The following LINC01488 variants were observed in gnomAD, a reference collection of about 807,000 sequenced individuals.
LINC01488 encodes the protein CCND1-upstream intergenic DNA repair 1.
At chr11:69,487,268 A>G (rs556847171) in intron 1 of LINC01488, among the ~76,000 whole-genome samples, 46 of 152,318 alleles carry the variant, frequency 3.0e-4, no homozygotes, top group African/African-American at 1.1e-3. Context: ...AGGGGCCTGG[A>G]AAGCCCAGGA....
chr11:69,486,609 G>T (rs1224780144), intron 1 of LINC01488, among the ~76,000 whole-genome samples: 2 of 152,208 alleles, frequency 1.3e-5, no homozygotes, highest in Admixed American at 6.5e-5. Context: ...GTCCTGGGGG[G>T]TCTTCCTGAG....
At chr11:69,486,099 T>G (rs1389034723) in intron 1 of LINC01488, 2 of 140,822 alleles carry the variant, frequency 1.4e-5, no homozygotes, top group African/African-American at 5.8e-5. Flanking sequence ...CCCAGAGTGA[T>G]GCAGCCCGGG....
At chr11:69,487,091 C>A in intron 1 of LINC01488, among the ~76,000 whole-genome samples, 1 of 152,286 alleles carries the variant, frequency 6.6e-6, no homozygotes, top group East Asian at 1.9e-4. Context: ...TGGCCTGGGG[C>A]GGCTGCCGCC....
chr11:69,483,996 G>A (rs1268447612), intron 1 of LINC01488, among the ~76,000 whole-genome samples: 1 of 152,212 alleles, frequency 6.6e-6, no homozygotes. Context: ...GGTGATGCCC[G>A]ACTCACTCCA....
At chr11:69,485,619 A>T (rs1210112965) in intron 1 of LINC01488, 1 of 152,498 alleles carries the variant, frequency 6.6e-6, no homozygotes, top group Non-Finnish European at 1.5e-5. Flanking sequence ...GGCTGGCCCC[A>T]GCCAGGACAT....
intron 1 of LINC01488, among the ~76,000 whole-genome samples, chr11:69,489,518 G>T (rs1048207535): frequency 1.3e-5 from 2 of 152,220 alleles, no homozygotes; most frequent in Non-Finnish European, 2.9e-5. Flanking sequence ...TTTCCCACAG[G>T]CCTCCCATGT....
Position 69,490,865 on chromosome 11 carries a change from C to T in LINC01488, n.162-162C>T, listed in dbSNP as rs76210262. On this transcript the variant is annotated intron_variant and non_coding_transcript_variant, in intron 2 of 3. Coordinates refer to ENST00000644563, the Ensembl canonical transcript of LINC01488. ...CTCCCTTTCCAGACTCTGCACCCCTCCTCAGGCTCAGAGCAAGGGCCTGCC... is the reference window on the plus strand; with the variant it reads ...CTCCCTTTCCAGACTCTGCACCCCTTCTCAGGCTCAGAGCAAGGGCCTGCC... The T allele has an allele frequency of 4.9e-3, 750 of 152,462 alleles. 6 individuals are homozygous for T. The highest frequency in any genetic ancestry group is 0.017 in the African/African-American group (697 of 41,560). The allele number at this position is 152,462 out of a possible 1,614,324, so 9.4% of individuals were successfully genotyped here.
At chr11:69,483,713 A>G (rs1357728103) in intron 1 of LINC01488, among the ~76,000 whole-genome samples, 1 of 152,176 alleles carries the variant, frequency 6.6e-6, no homozygotes, top group Non-Finnish European at 1.5e-5. Flanking sequence ...CATTTTATGC[A>G]TATGAGAGAG....
rs1201650023 is a variant in LINC01488, at chr11:69,487,548, G to A, written n.123-2947G>A. ...CAGGAAGGGGCCGTGTGGTGTCCAC[G>A]TGTGCTGGCCCTGGTGGTCCCCTTG... is the stretch of plus-strand genomic sequence containing the variant. On this transcript the variant is annotated intron_variant and non_coding_transcript_variant, in intron 1 of 3. Transcript: ENST00000644563. Among the ~76,000 whole-genome samples, 7 of 152,236 alleles carry A rather than the reference G, an allele frequency of 4.6e-5. No homozygotes were observed. The South Asian group carries it at 6.2e-4, about 13-fold the overall frequency.
intron 1 of LINC01488, among the ~76,000 whole-genome samples, chr11:69,489,652 G>A (rs139536987): frequency 2.6e-4 from 40 of 152,388 alleles, no homozygotes; most frequent in Non-Finnish European, 4.7e-4. Flanking sequence ...TCCAAGGGCC[G>A]AGAGGCGTCC....
chr11:69,482,296 C>A (rs1227200194), intron 1 of LINC01488, among the ~76,000 whole-genome samples: 1 of 152,148 alleles, frequency 6.6e-6, no homozygotes, highest in Non-Finnish European at 1.5e-5. Flanking sequence ...GTAAACCGCC[C>A]CCATGATTCA....
intron 1 of LINC01488, among the ~76,000 whole-genome samples, chr11:69,483,859 G>C (rs909014791): frequency 6.6e-6 from 1 of 152,218 alleles, no homozygotes; most frequent in Non-Finnish European, 1.5e-5. Flanking sequence ...GACAGCTGCC[G>C]AGGCGGGTGC....
At chr11:69,491,584 G>A (rs1857220883) in intron 3 of LINC01488, 1 of 152,400 alleles carries the variant, frequency 6.6e-6, no homozygotes, top group African/African-American at 2.4e-5. Flanking sequence ...GCCTGAACCA[G>A]CCCTGGGCCC....
chr11:69,487,492 G>A (rs562892830), intron 1 of LINC01488, among the ~76,000 whole-genome samples: 1 of 152,226 alleles, frequency 6.6e-6, no homozygotes, highest in East Asian at 1.9e-4. Context: ...AAGGACTGAC[G>A]GGGAGCTAGG....
Position 69,484,725 on chromosome 11 carries a change from A to G in LINC01488, n.122+2942A>G, listed in dbSNP as rs560141651. 7.2e-5 allele frequency among the ~76,000 whole-genome samples: 11 copies of G among 152,348 alleles called. No individual in the cohort carries two copies. In the East Asian group the frequency reaches 1.2e-3, roughly 16 times the overall value. ...TGCTGAGCCCTGCTGTTGGGCAGCA[A>G]TCAGCGATGGGTGGCCGTGGGCAGG... On this transcript the variant is annotated intron_variant and non_coding_transcript_variant, in intron 1 of 3. Transcript: ENST00000644563.
intron 1 of LINC01488, among the ~76,000 whole-genome samples, chr11:69,483,012 G>T (rs1447827815): frequency 6.6e-6 from 1 of 152,184 alleles, no homozygotes. Context: ...ACATTCCGGG[G>T]TCCTGGGAGT....
chr11:69,483,337 C>G (rs1262904220), intron 1 of LINC01488, among the ~76,000 whole-genome samples: 1 of 152,196 alleles, frequency 6.6e-6, no homozygotes, highest in African/African-American at 2.4e-5. Flanking sequence ...TCCACTTCCT[C>G]CACTTATCAG....
At chr11:69,482,558 G>T (rs1857059249) in intron 1 of LINC01488, among the ~76,000 whole-genome samples, 2 of 145,252 alleles carry the variant, frequency 1.4e-5, no homozygotes, top group Admixed American at 1.3e-4. Flanking sequence ...TGGATGAGTA[G>T]GTGGATGGAT....
intron 1 of LINC01488, among the ~76,000 whole-genome samples, chr11:69,487,477 T>C (rs1307922740): frequency 6.6e-6 from 1 of 152,146 alleles, no homozygotes; most frequent in African/African-American, 2.4e-5. Flanking sequence ...AGGCAGGGCC[T>C]GAGTAAGGAC....
Sources: allele counts gnomAD v4.1 joint callset (sites outside exome capture counted in the v4.1 genomes callset), GRCh38; gene constraint gnomAD v4.1.1; transcripts MANE v1.5; gene names NCBI Gene and HGNC (gene_info 2026-07-23, HGNC 2026-07-21).